Variants in HTR1F observed in about 807,000 individuals in gnomAD.
The protein encoded by HTR1F is 5-hydroxytryptamine (serotonin) receptor 1F, G protein-coupled.
In HTR1F, 17 loss-of-function variants were observed where a neutral mutation model predicts 24.0. That is an observed-to-expected ratio of 0.71 (90% CI 0.48 to 1.06). HTR1F has a LOEUF of 1.06. Ranked by LOEUF, HTR1F falls within the 50% of genes least tolerant of loss-of-function variation. The probability of loss-of-function intolerance (pLI) is 0.00; values close to 1 mark genes in which losing one functional copy is unlikely to be tolerated. For missense variants in HTR1F, 391 were observed against 427.8 expected, an observed-to-expected ratio of 0.91 and a Z score of 0.76; for synonymous variants, 186 against 156.8, an observed-to-expected ratio of 1.19 and a Z score of -1.39.
rs566546279 is a variant in HTR1F, at chr3:87,844,823, A to G, written c.-43+22699A>G. 1.2e-3 allele frequency among the ~76,000 whole-genome samples: 179 copies of G among 149,742 alleles called. 1 individual carries two copies. Among genetic ancestry groups the G allele is most frequent in the Non-Finnish European group, 2.1e-3 (143 of 67,706 alleles). ...TTGCTTGTTTTTCTCAGGTTTGTCA[A>G]AGATCAGATAGTTGTAGATATGCGG... On this transcript the variant is annotated intron_variant, in intron 2 of 2. Transcript: ENST00000319595.
intron 2 of HTR1F, among the ~76,000 whole-genome samples, chr3:87,917,015 T>C (rs1196076442): frequency 6.6e-6 from 1 of 152,006 alleles, no homozygotes; most frequent in Non-Finnish European, 1.5e-5. Context: ...TCAAGCACTC[T>C]CTCAGACTAC....
intron 2 of HTR1F, among the ~76,000 whole-genome samples, chr3:87,907,919 A>C (rs1308230457): frequency 3.9e-5 from 6 of 152,062 alleles, no homozygotes; most frequent in African/African-American, 7.2e-5. Context: ...AATACAAATT[A>C]GTATAAGTTT....
At chr3:87,849,400 G>A (rs996957049) in intron 2 of HTR1F, among the ~76,000 whole-genome samples, 4 of 151,804 alleles carry the variant, frequency 2.6e-5, no homozygotes, top group Non-Finnish European at 5.9e-5. Context: ...AAACTGGCTA[G>A]CCATATGTAG....
At chr3:87,814,475 C>T (rs965952307) in intron 1 of HTR1F, among the ~76,000 whole-genome samples, 1 of 152,054 alleles carries the variant, frequency 6.6e-6, no homozygotes, top group Non-Finnish European at 1.5e-5. Flanking sequence ...CAATAGAGCT[C>T]TTGAACTTAT....
chr3:87,919,189 G>C (rs751091969), intron 2 of HTR1F, among the ~76,000 whole-genome samples: 22 of 152,148 alleles, frequency 1.4e-4, no homozygotes, highest in Middle Eastern at 6.8e-3. Flanking sequence ...GAATGCAACT[G>C]GATCCTCATC....
intron 2 of HTR1F, among the ~76,000 whole-genome samples, chr3:87,931,515 G>A (rs1253138899): frequency 6.6e-6 from 1 of 152,122 alleles, no homozygotes; most frequent in Non-Finnish European, 1.5e-5. Flanking sequence ...ACATACGTGT[G>A]CATGTGTCTT....
At chr3:87,846,496 C>A (rs1351895686) in intron 2 of HTR1F, among the ~76,000 whole-genome samples, 2 of 151,806 alleles carry the variant, frequency 1.3e-5, no homozygotes, top group Non-Finnish European at 2.9e-5. Flanking sequence ...CAACTTTATA[C>A]AACTTTATCA....
chr3:87,828,869 A>G (rs570303751), intron 2 of HTR1F, among the ~76,000 whole-genome samples: 1 of 152,192 alleles, frequency 6.6e-6, no homozygotes, highest in Non-Finnish European at 1.5e-5. Context: ...TGCTAGAACT[A>G]TGTCATACTT....
At chr3:87,962,798 G>T (rs1380089744) in intron 2 of HTR1F, among the ~76,000 whole-genome samples, 1 of 151,916 alleles carries the variant, frequency 6.6e-6, no homozygotes, top group Admixed American at 6.6e-5. Flanking sequence ...TCCTTGCTTG[G>T]AAAGAACATT....
At chr3:87,970,541 T>G (rs1576104049) in intron 2 of HTR1F, among the ~76,000 whole-genome samples, 1 of 152,296 alleles carries the variant, frequency 6.6e-6, no homozygotes, top group South Asian at 2.1e-4. Context: ...AAAATAATTT[T>G]ACTCAAGAGG....
At chr3:87,797,780 G>A (rs765003339) in intron 1 of HTR1F, among the ~76,000 whole-genome samples, 16 of 152,186 alleles carry the variant, frequency 1.1e-4, no homozygotes, top group Non-Finnish European at 2.2e-4. Context: ...GCTGGAGTGG[G>A]CCATGGAGAC....
intron 2 of HTR1F, among the ~76,000 whole-genome samples, chr3:87,865,968 G>C (rs1035124120): frequency 6.6e-6 from 1 of 152,056 alleles, no homozygotes; most frequent in African/African-American, 2.4e-5. Context: ...CAATGAATGA[G>C]GGTTTCATTT....
intron 2 of HTR1F, among the ~76,000 whole-genome samples, chr3:87,931,777 T>C (rs1189597937): frequency 6.7e-6 from 1 of 150,060 alleles, no homozygotes; most frequent in Non-Finnish European, 1.5e-5. Flanking sequence ...GTGGTTTTGA[T>C]TTGCATTTCT....
intron 2 of HTR1F, among the ~76,000 whole-genome samples, chr3:87,946,916 C>A (rs528756718): frequency 6.6e-6 from 1 of 152,092 alleles, no homozygotes; most frequent in Non-Finnish European, 1.5e-5. Context: ...TGAGCCACCA[C>A]GCCCAGCCCA....
intron 2 of HTR1F, among the ~76,000 whole-genome samples, chr3:87,968,465 C>T (rs1705214330): frequency 6.6e-6 from 1 of 152,076 alleles, no homozygotes; most frequent in Admixed American, 6.6e-5. Flanking sequence ...ACCCACCTCA[C>T]CCTCCCAAAG....
At chr3:87,936,732 G>A (rs1402842261) in intron 2 of HTR1F, among the ~76,000 whole-genome samples, 1 of 152,030 alleles carries the variant, frequency 6.6e-6, no homozygotes, top group Non-Finnish European at 1.5e-5. Context: ...GAAATATTTT[G>A]TTTGGGGATT....
intron 2 of HTR1F, among the ~76,000 whole-genome samples, chr3:87,843,582 G>A (rs938605722): frequency 6.7e-5 from 10 of 150,364 alleles, no homozygotes; most frequent in Admixed American, 5.3e-4. Context: ...ACATTGTGCA[G>A]GTTAGTTACA....
intron 2 of HTR1F, among the ~76,000 whole-genome samples, chr3:87,942,415 C>G (rs947245755): frequency 7.2e-5 from 11 of 152,170 alleles, no homozygotes; most frequent in African/African-American, 1.7e-4. Flanking sequence ...CCTCAATGGT[C>G]AAGCATACCC....
At chr3:87,976,884 A>G (rs1705406626) in intron 2 of HTR1F, among the ~76,000 whole-genome samples, 1 of 152,196 alleles carries the variant, frequency 6.6e-6, no homozygotes, top group Non-Finnish European at 1.5e-5. Flanking sequence ...ATTATATCCA[A>G]TGTCACTATG....
Sources: gnomAD v4.1 joint callset for allele counts (sites outside exome capture counted in the v4.1 genomes callset) on GRCh38, gnomAD v4.1.1 for gene constraint, MANE v1.5 for transcripts, NCBI Gene and HGNC (gene_info 2026-07-23, HGNC 2026-07-21) for gene names.